DSG3: variants seen among roughly 807,000 people sequenced by gnomAD.
DSG3 encodes desmoglein 3.
In DSG3, 63 loss-of-function variants were observed where a neutral mutation model predicts 85.9. The observed-to-expected ratio is 0.73, with a 90% CI of 0.60 to 0.90. DSG3 has a LOEUF of 0.90. Among genes scored for constraint, DSG3 ranks in the 40% least tolerant of loss-of-function variants. The probability of loss-of-function intolerance (pLI) is 0.00; values close to 1 mark genes in which losing one functional copy is unlikely to be tolerated. For synonymous variants in DSG3, 447 were observed against 441.9 expected (o/e 1.01, Z -0.14); for missense variants, 1,220 against 1,219.9 (o/e 1.00, Z 0.00).
intron 14 of DSG3, among the ~76,000 whole-genome samples, chr18:31,473,095 A>G (rs1396313864): frequency 6.6e-6 from 1 of 152,216 alleles, no homozygotes; most frequent in Non-Finnish European, 1.5e-5. Flanking sequence ...TTTAATTAGG[A>G]AAGACTTCAC....
At chr18:31,462,833 C>A (rs2072794497) in intron 8 of DSG3, among the ~76,000 whole-genome samples, 1 of 152,112 alleles carries the variant, frequency 6.6e-6, no homozygotes, top group African/African-American at 2.4e-5. Flanking sequence ...ACCAGTGCAC[C>A]ACCACATTTT....
chr18:31,456,896 A>C (rs1172469298), intron 2 of DSG3, 97 bp from the exon 3 acceptor site: 1 of 1,281,932 alleles, frequency 7.8e-7, no homozygotes, highest in South Asian at 1.6e-5. Flanking sequence ...AGTGATCTTG[A>C]AACATAGGGG....
In DSG3 at chr18:31,476,421, C is replaced by T. The variant is rs1471564188; in HGVS notation, c.*161C>T. On this transcript the variant is annotated 3_prime_UTR_variant, in exon 16 of 16. Coordinates refer to ENST00000257189, the MANE Select transcript of DSG3 (RefSeq NM_001944.3). ...ATAAATTAAATGTTTGGGTTCATAC[C>T]CCAAAAGCAATATGTTGTCACTCCT... 1 of 767,548 alleles carries T rather than the reference C, an allele frequency of 1.3e-6. No individual in the cohort carries two copies. Among genetic ancestry groups the T allele is most frequent in the East Asian group, 2.8e-5 (1 of 35,946 alleles). 47.5% of individuals were successfully genotyped at this position (767,548 alleles called of 1,614,324 possible).
chr18:31,472,771 ATT>A lies in DSG3; in HGVS notation c.2086_2087del (p.Phe696HisfsTer5), dbSNP rs777738599. On this transcript the variant is annotated frameshift_variant, in exon 14 of 16. Coordinates refer to ENST00000257189, the MANE Select transcript of DSG3 (RefSeq NM_001944.3). LOFTEE classifies it high-confidence loss of function. Reference sequence around the variant, plus strand: ...CCTCCTGTAACAGCCAATGGAGCCGATTTCATGGAAAGTTCTGGTAAGTGGAC... The same window carrying A: ...CCTCCTGTAACAGCCAATGGAGCCGATCATGGAAAGTTCTGGTAAGTGGAC... 6.2e-7 allele frequency: 1 copy of A among 1,613,990 alleles called. No homozygotes were observed. Among genetic ancestry groups the A allele is most frequent in the Non-Finnish European group, 8.5e-7 (1 of 1,179,984 alleles).
intron 11 of DSG3, 37 bp downstream of exon 11, chr18:31,466,791 T>G (rs372985435): frequency 1.5e-4 from 224 of 1,539,640 alleles, no homozygotes; most frequent in Non-Finnish European, 1.9e-4. Flanking sequence ...AAATGCAAAC[T>G]GCTCCTTTGT....
chr18:31,457,636 CTTTCTTTT>C (rs1169510687), intron 3 of DSG3, among the ~76,000 whole-genome samples: 2 of 97,270 alleles, frequency 2.1e-5, no homozygotes, highest in Non-Finnish European at 4.5e-5. Flanking sequence ...TTCTTTCTTT[CTTTCTTTT>C]TCTGAGATGG....
chr18:31,473,794 A>G (rs984989280), intron 14 of DSG3, among the ~76,000 whole-genome samples: 1 of 152,210 alleles, frequency 6.6e-6, no homozygotes, highest in African/African-American at 2.4e-5. Flanking sequence ...TTTCGTGAAA[A>G]CAAACAAGCA....
chr18:31,478,701 A>G lies in DSG3; in HGVS notation c.*2441A>G, dbSNP rs1028688188. Reference sequence around the variant, plus strand: ...GCAATAAATTTATAAATAAAAGCTGAACTACTCTCTATATTAATAGTTATT... The same window carrying G: ...GCAATAAATTTATAAATAAAAGCTGGACTACTCTCTATATTAATAGTTATT... On this transcript the variant is annotated 3_prime_UTR_variant, in exon 16 of 16. Coordinates refer to ENST00000257189, the MANE Select transcript of DSG3 (RefSeq NM_001944.3). 9 of 152,330 alleles carry G rather than the reference A, an allele frequency of 5.9e-5. No homozygotes were observed. Among genetic ancestry groups the G allele is most frequent in the African/African-American group, 1.9e-4 (8 of 41,572 alleles). 9.4% of individuals were successfully genotyped at this position (152,330 alleles called of 1,614,324 possible).
At position 31,461,325 on chromosome 18, in the gene DSG3, A is replaced by T. The variant is rs762117471; in HGVS notation, c.912A>T (p.Val304=). ...DEEYTDNWLA[V]YFFTSGNEGN... is the part of the protein sequence containing the mutation. ...AGTACACAGATAATTGGCTTGCAGT[A>T]TATTTCTTTACCTCTGGGAATGAAG... The change falls in exon 8 of 16, where the codon GTA becomes GTT. Residue 304 remains valine (V), a synonymous_variant. Coordinates refer to ENST00000257189, the MANE Select transcript of DSG3 (RefSeq NM_001944.3). The T allele has an allele frequency of 9.9e-6, 16 of 1,613,486 alleles. No individual in the cohort carries two copies. The African/African-American group carries it at 2.0e-4, about 20-fold the overall frequency.
At chr18:31,461,446 A>G in intron 8 of DSG3, 34 bp downstream of exon 8, 2 of 1,537,408 alleles carry the variant, frequency 1.3e-6, no homozygotes, top group Non-Finnish European at 1.8e-6. Context: ...GGTAAAAAAA[A>G]TTCTGTATTA....
chr18:31,459,095 T>C lies in DSG3; in HGVS notation c.435T>C (p.Val145=). 6.2e-7 allele frequency: 1 copy of C among 1,613,708 alleles called. No individual in the cohort carries two copies. The part of the protein sequence containing the change: ...LDVEKPLILT[V]KILDINDNPP... ...TAGAGAAACCACTTATACTAACGGT[T>C]AAAATTTTGGATATTAATGATAATC... The change falls in exon 5 of 16, where the codon GTT becomes GTC. Residue 145 remains valine (V), a synonymous_variant. Transcript: ENST00000257189.
intron 9 of DSG3, among the ~76,000 whole-genome samples, 155 bp from the exon 10 acceptor site, chr18:31,465,163 T>C (rs1378823018): frequency 6.6e-6 from 1 of 152,040 alleles, no homozygotes; most frequent in East Asian, 1.9e-4. Context: ...TGGTCATCTA[T>C]GCTATGTTAA....
rs937448295 is a variant in DSG3 at position 31,478,599 on chromosome 18, G to T, written c.*2339G>T. 13 of 152,104 alleles carry T rather than the reference G, an allele frequency of 8.5e-5. No homozygotes were observed. The highest frequency in any genetic ancestry group is 3.1e-4 in the African/African-American group (13 of 41,416). The allele number at this position is 152,104 out of a possible 1,614,324, so 9.4% of individuals were successfully genotyped here. Reference sequence around the variant, plus strand: ...GTTTTAAGCATAAAATTTTAAAACTGTACTACTTGATGTATTATACATTTT... The same window carrying T: ...GTTTTAAGCATAAAATTTTAAAACTTTACTACTTGATGTATTATACATTTT... On this transcript the variant is annotated 3_prime_UTR_variant, in exon 16 of 16. Transcript: ENST00000257189.
intron 2 of DSG3, 118 bp from the exon 3 acceptor site, chr18:31,456,875 C>T: frequency 2.0e-6 from 2 of 987,164 alleles, no homozygotes; most frequent in South Asian, 1.9e-5. Context: ...AATTAGATAC[C>T]TAACAGTCTT....
At chr18:31,452,517 CAAAAAAAAAAAAAAAA>C (rs35886860) in intron 1 of DSG3, among the ~76,000 whole-genome samples, 4 of 51,838 alleles carry the variant, frequency 7.7e-5, no homozygotes, top group South Asian at 6.8e-4. Context: ...GACTCCGTCT[CAAAAAAAAAAAAAAAA>C]AAAAAAAAAA....
rs759174684 is a variant in DSG3 at position 31,472,339 on chromosome 18, G to C, written c.1953G>C (p.Val651=). The change falls in exon 13 of 16, where the codon GTG becomes GTC. Residue 651 remains valine (V), a synonymous_variant. Coordinates refer to ENST00000257189, the MANE Select transcript of DSG3 (RefSeq NM_001944.3). ...CDCGAGSTGG[V]TGGFIPVPDG... is the part of the protein sequence containing the mutation. ...GTGGGGCAGGTTCTACTGGGGGAGT[G>C]ACAGGTGGTTTTATCCCAGTTCCTG... 2 of 1,614,172 alleles carry C rather than the reference G, an allele frequency of 1.2e-6. No individual in the cohort carries two copies. The highest frequency in any genetic ancestry group is 1.7e-6 in the Non-Finnish European group (2 of 1,180,016).
Position 31,475,362 on chromosome 18 carries a change from G to T in DSG3, c.2386-284G>T, listed in dbSNP as rs552526449. Among the ~76,000 whole-genome samples, 3 of 152,204 alleles carry T rather than the reference G, an allele frequency of 2.0e-5. No homozygotes were observed. In the South Asian group the frequency reaches 6.2e-4, roughly 32 times the overall value. The stretch of plus-strand genomic sequence containing the variant: ...GGGTTGTTTGAGATGAGGACTCTTG[G>T]GATATTTCTAGGTGGGATGTGTGTT... On this transcript the variant is annotated intron_variant, in intron 15 of 15. Transcript: ENST00000257189.
chr18:31,460,104 A>C, intron 6 of DSG3, 93 bp downstream of exon 6: 7 of 1,367,784 alleles, frequency 5.1e-6, no homozygotes, highest in Non-Finnish European at 6.9e-6. Context: ...GAAAATTAAA[A>C]AAGAAAAGAG....
At position 31,459,897 on chromosome 18, in the gene DSG3, G is replaced by A; in HGVS notation, c.570G>A (p.Leu190=). ...CAGATGCAGATGAACCAAACCACTT[G>A]AATTCTAAAATTGCCTTCAAAATTG... ...NATDADEPNH[L]NSKIAFKIVS... Residue 190 remains leucine, a synonymous_variant, in exon 6 of 16, where the codon TTG becomes TTA. Transcript: ENST00000257189. 7 of 1,614,030 alleles carry A rather than the reference G, an allele frequency of 4.3e-6. No individual in the cohort carries two copies. The highest frequency in any genetic ancestry group is 5.9e-6 in the Non-Finnish European group (7 of 1,179,986).
Sources: allele counts gnomAD v4.1 joint callset (sites outside exome capture counted in the v4.1 genomes callset), GRCh38; gene constraint gnomAD v4.1.1; transcripts MANE v1.5; gene names NCBI Gene and HGNC (gene_info 2026-07-23, HGNC 2026-07-21).